SLC10A7: variants seen among roughly 807,000 people sequenced by gnomAD.
SLC10A7 encodes solute carrier family 10 member 7, also known as sodium/bile acid cotransporter 7.
SLC10A7 carries 29 observed loss-of-function variants against 43.2 expected under a neutral mutation model. The observed-to-expected ratio is 0.67, with a 90% CI of 0.50 to 0.92. The LOEUF is 0.92. Among genes scored for constraint, SLC10A7 ranks in the 40% least tolerant of loss-of-function variants. SLC10A7 has a pLI of 0.00. For missense variants in SLC10A7, 295 were observed against 403.2 expected (o/e 0.73, Z 2.30); for synonymous variants, 152 against 144.8 (o/e 1.05, Z -0.35).
At chr4:146,321,905 G>A (rs1008555772) in intron 6 of SLC10A7, among the ~76,000 whole-genome samples, 1 of 152,150 alleles carries the variant, frequency 6.6e-6, no homozygotes, top group Non-Finnish European at 1.5e-5. Flanking sequence ...CAGAGAAAAA[G>A]TGTTATATGC....
intron 3 of SLC10A7, among the ~76,000 whole-genome samples, chr4:146,508,744 C>T (rs1284508425): frequency 1.3e-5 from 2 of 152,188 alleles, no homozygotes; most frequent in African/African-American, 4.8e-5. Flanking sequence ...TCTCAGGCCC[C>T]TCTACTATCT....
intron 4 of SLC10A7, 22 bp from the exon 5 acceptor site, chr4:146,442,843 GA>G: frequency 6.8e-7 from 1 of 1,477,090 alleles, no homozygotes; most frequent in Non-Finnish European, 9.2e-7. Context: ...ATAAATAGGG[GA>G]AAAAAACTCA....
intron 4 of SLC10A7, among the ~76,000 whole-genome samples, chr4:146,476,492 G>C (rs1734042128): frequency 6.6e-6 from 1 of 151,890 alleles, no homozygotes; most frequent in Admixed American, 6.6e-5. Context: ...TGTGTGTGTT[G>C]GTGTGTGTGT....
At chr4:146,275,612 G>C (rs1418280703) in intron 10 of SLC10A7, among the ~76,000 whole-genome samples, 1 of 152,134 alleles carries the variant, frequency 6.6e-6, no homozygotes, top group East Asian at 1.9e-4. Flanking sequence ...CCTACACCAA[G>C]CTGGTCATGT....
chr4:146,310,431 C>T (rs1441498963), intron 6 of SLC10A7, among the ~76,000 whole-genome samples: 1 of 152,100 alleles, frequency 6.6e-6, no homozygotes. Flanking sequence ...TTTACATTCC[C>T]ACTAATTGTG....
intron 4 of SLC10A7, among the ~76,000 whole-genome samples, chr4:146,459,416 T>C (rs1732340581): frequency 6.6e-6 from 1 of 151,802 alleles, no homozygotes; most frequent in South Asian, 2.1e-4. Context: ...ACTCACATTT[T>C]ATATTTCACG....
intron 5 of SLC10A7, among the ~76,000 whole-genome samples, chr4:146,429,947 C>T (rs1314607048): frequency 3.3e-5 from 5 of 151,830 alleles, no homozygotes; most frequent in African/African-American, 1.2e-4. Context: ...TAACCATATG[C>T]AAAGTAACAA....
At chr4:146,480,105 A>C (rs1035961763) in intron 4 of SLC10A7, among the ~76,000 whole-genome samples, 3 of 151,772 alleles carry the variant, frequency 2.0e-5, no homozygotes, top group Non-Finnish European at 4.4e-5. Context: ...TTTCTAAAAG[A>C]ATCCAAAGGT....
chr4:146,337,713 A>C (rs1264405080), intron 5 of SLC10A7, among the ~76,000 whole-genome samples: 1 of 151,964 alleles, frequency 6.6e-6, no homozygotes, highest in African/African-American at 2.4e-5. Flanking sequence ...AAAGAGGCTT[A>C]TAGAGACTAA....
intron 9 of SLC10A7, among the ~76,000 whole-genome samples, chr4:146,290,133 G>A (rs555937045): frequency 2.0e-5 from 3 of 150,702 alleles, no homozygotes; most frequent in African/African-American, 7.3e-5. Flanking sequence ...GACCATCCTG[G>A]CTAACATGCT....
intron 5 of SLC10A7, among the ~76,000 whole-genome samples, chr4:146,367,198 G>A (rs1427536096): frequency 6.6e-6 from 1 of 152,014 alleles, no homozygotes; most frequent in Non-Finnish European, 1.5e-5. Context: ...CTTTCAAGTA[G>A]TATGTTAAAA....
chr4:146,265,661 T>C (rs1728507551), intron 10 of SLC10A7, among the ~76,000 whole-genome samples: 1 of 152,226 alleles, frequency 6.6e-6, no homozygotes, highest in Non-Finnish European at 1.5e-5. Flanking sequence ...TGGTGCTCAA[T>C]ACATAAATAA....
chr4:146,434,140 T>G (rs951472324), intron 5 of SLC10A7, among the ~76,000 whole-genome samples: 1 of 151,988 alleles, frequency 6.6e-6, no homozygotes, highest in African/African-American at 2.4e-5. Flanking sequence ...CTCACATACA[T>G]AAAGGGAAAA....
chr4:146,516,798 A>G (rs905920425), intron 2 of SLC10A7, among the ~76,000 whole-genome samples: 1 of 152,146 alleles, frequency 6.6e-6, no homozygotes, highest in Non-Finnish European at 1.5e-5. Context: ...TTCAGCTGTC[A>G]TATTAAAAAC....
chr4:146,506,555 C>T (rs1175090531), intron 3 of SLC10A7, among the ~76,000 whole-genome samples: 1 of 152,178 alleles, frequency 6.6e-6, no homozygotes, highest in East Asian at 1.9e-4. Flanking sequence ...CTTCTGCCCC[C>T]TCTACTAGTA....
intron 5 of SLC10A7, among the ~76,000 whole-genome samples, chr4:146,331,252 G>T (rs1450890025): frequency 6.6e-6 from 1 of 152,122 alleles, no homozygotes; most frequent in East Asian, 1.9e-4. Context: ...GCAACAAGAG[G>T]ACAGCATGTC....
intron 5 of SLC10A7, among the ~76,000 whole-genome samples, chr4:146,365,184 G>C (rs1351761063): frequency 6.6e-6 from 1 of 152,184 alleles, no homozygotes; most frequent in East Asian, 1.9e-4. Flanking sequence ...GTACAAAAAA[G>C]TTATTGTTTA....
At chr4:146,388,676 G>A (rs1280991197) in intron 5 of SLC10A7, among the ~76,000 whole-genome samples, 3 of 151,674 alleles carry the variant, frequency 2.0e-5, no homozygotes, top group African/African-American at 2.4e-5. Flanking sequence ...GGAGAATGGC[G>A]TGAACCCAGG....
At position 146,368,050 on chromosome 4, in the gene SLC10A7, TC is replaced by T. The variant is rs542524884; in HGVS notation, c.436-42055del. 6.9e-3 allele frequency among the ~76,000 whole-genome samples: 1,048 copies of T among 152,314 alleles called. 14 individuals carry two copies. The highest frequency in any genetic ancestry group is 0.024 in the African/African-American group (1,016 of 41,564). On this transcript the variant is annotated intron_variant, in intron 5 of 11. Coordinates refer to ENST00000335472, the MANE Select transcript of SLC10A7 (RefSeq NM_001029998.6). ...TTGGAACAATCCCGAAAGCTCTGTT[TC>T]AGCATTCATTATAATGCAGCTCAGA...
Sources: gnomAD v4.1 joint callset for allele counts (sites outside exome capture counted in the v4.1 genomes callset) on GRCh38, gnomAD v4.1.1 for gene constraint, MANE v1.5 for transcripts, NCBI Gene and HGNC (gene_info 2026-07-23, HGNC 2026-07-21) for gene names.